Variants in CADM2 observed in about 807,000 individuals in gnomAD.
CADM2 encodes immunoglobulin superfamily member 4D.
Under a neutral mutation model 49.8 loss-of-function variants are expected in CADM2, and 12 were observed. That is an observed-to-expected ratio of 0.24 (90% CI 0.15 to 0.39). CADM2 has a LOEUF of 0.39. Among genes scored for constraint, CADM2 ranks in the 10% least tolerant of loss-of-function variants. The pLI, the probability that CADM2 is intolerant of heterozygous loss-of-function variation, is 1.00. For synonymous variants in CADM2, 214 were observed against 175.4 expected (o/e 1.22, Z -1.74); for missense variants, 378 against 492.3 (o/e 0.77, Z 2.20).
At chr3:85,754,052 C>A (rs535703471) in intron 2 of CADM2, among the ~76,000 whole-genome samples, 1 of 152,290 alleles carries the variant, frequency 6.6e-6, no homozygotes, top group East Asian at 1.9e-4. Context: ...GGCCTGCCAG[C>A]CCTTGGGAGG....
intron 1 of CADM2, among the ~76,000 whole-genome samples, chr3:85,477,237 C>G (rs1417933520): frequency 9.9e-6 from 1 of 101,242 alleles, no homozygotes; most frequent in African/African-American, 3.3e-5. Context: ...TTAACTGATT[C>G]CCTTAAACAC....
At chr3:86,066,514 TAAGAA>T in intron 9 of CADM2, 146 bp from the exon 10 acceptor site, 2 of 639,214 alleles carry the variant, frequency 3.1e-6, no homozygotes, top group Non-Finnish European at 5.6e-6. Flanking sequence ...CTGAAAACTG[TAAGAA>T]AACAGTGCAA....
At chr3:86,034,640 A>C (rs971778287) in intron 8 of CADM2, among the ~76,000 whole-genome samples, 2 of 152,100 alleles carry the variant, frequency 1.3e-5, no homozygotes, top group African/African-American at 4.8e-5. Context: ...TATGTTGTAG[A>C]GAGGTAAACT....
At chr3:85,662,920 T>A (rs1277165808) in intron 1 of CADM2, among the ~76,000 whole-genome samples, 1 of 152,030 alleles carries the variant, frequency 6.6e-6, no homozygotes, top group Non-Finnish European at 1.5e-5. Context: ...AGTACAAAAT[T>A]TTAATAGTTG....
chr3:85,190,339 T>C (rs2041179047), intron 1 of CADM2, among the ~76,000 whole-genome samples: 1 of 152,086 alleles, frequency 6.6e-6, no homozygotes, highest in East Asian at 1.9e-4. Flanking sequence ...TTAATAATCA[T>C]ATTTTGGTCT....
intron 1 of CADM2, among the ~76,000 whole-genome samples, chr3:85,425,171 C>T (rs749574656): frequency 5.9e-5 from 9 of 152,158 alleles, no homozygotes; most frequent in Non-Finnish European, 1.0e-4. Context: ...TCCCCATCTT[C>T]TCCATCATGC....
At chr3:85,775,692 A>C (rs896996069) in intron 2 of CADM2, among the ~76,000 whole-genome samples, 2 of 151,848 alleles carry the variant, frequency 1.3e-5, no homozygotes, top group African/African-American at 4.8e-5. Context: ...TCTGTTTTAC[A>C]AGATTACTAG....
intron 3 of CADM2, among the ~76,000 whole-genome samples, chr3:85,809,768 CT>C (rs2072721777): frequency 2.8e-5 from 1 of 36,360 alleles, no homozygotes; most frequent in Non-Finnish European, 5.1e-5. Context: ...CCCTCCCTCT[CT>C]CTCTCTCTCT....
chr3:85,198,346 A>T (rs2041398773), intron 1 of CADM2, among the ~76,000 whole-genome samples: 1 of 151,458 alleles, frequency 6.6e-6, no homozygotes, highest in African/African-American at 2.4e-5. Flanking sequence ...GCTGCAGGGG[A>T]GATGTGTTCT....
intron 1 of CADM2, among the ~76,000 whole-genome samples, chr3:85,247,984 A>G (rs139296880): frequency 1.4e-4 from 22 of 152,320 alleles, no homozygotes; most frequent in African/African-American, 5.1e-4. Context: ...ATGCATATCC[A>G]TATAATGTTA....
chr3:85,686,581 T>C (rs1016787923), intron 1 of CADM2, among the ~76,000 whole-genome samples: 5 of 152,220 alleles, frequency 3.3e-5, no homozygotes, highest in Admixed American at 3.3e-4. Context: ...AAATATTTAG[T>C]ATCTAAATGA....
chr3:85,078,213 T>A (rs1303630143), intron 1 of CADM2, among the ~76,000 whole-genome samples: 2 of 151,992 alleles, frequency 1.3e-5, no homozygotes, highest in Non-Finnish European at 2.9e-5. Flanking sequence ...GATCCTATTT[T>A]TAAAATTTGT....
intron 1 of CADM2, among the ~76,000 whole-genome samples, chr3:85,563,550 T>C (rs17459906): frequency 0.51 from 77,836 of 151,888 alleles, 23,022 homozygotes; most frequent in East Asian, 0.85. Flanking sequence ...CATGACTCCT[T>C]GAATGAAACT....
At chr3:85,127,520 G>T (rs780730422) in intron 1 of CADM2, among the ~76,000 whole-genome samples, 1 of 152,162 alleles carries the variant, frequency 6.6e-6, no homozygotes, top group Non-Finnish European at 1.5e-5. Context: ...GGAGAGAAGG[G>T]GGCTTCTGGG....
At chr3:85,651,984 C>CTTTTTTTTTTTTTTTT (rs75263402) in intron 1 of CADM2, among the ~76,000 whole-genome samples, 3 of 105,488 alleles carry the variant, frequency 2.8e-5, no homozygotes, top group Non-Finnish European at 3.8e-5. Flanking sequence ...CGCCCGGCTA[C>CTTTTTTTTTTTTTTTT]TTTTTTTTTT....
rs192698980 is a variant in CADM2, at chr3:86,047,911, T to C, written c.971-17694T>C. On this transcript the variant is annotated intron_variant, in intron 8 of 9. Coordinates refer to ENST00000383699, the MANE Select transcript of CADM2 (RefSeq NM_001167675.2). ...GATTAGTGATAGGAAGAGGAAGATA[T>C]CGCAAAGATCACCTTTCAAAATGTT... 5.3e-3 allele frequency among the ~76,000 whole-genome samples: 810 copies of C among 152,240 alleles called. 4 individuals are homozygous for C. Among genetic ancestry groups the C allele is most frequent in the Non-Finnish European group, 8.6e-3 (582 of 67,992 alleles).
At chr3:85,643,732 A>G (rs2064801038) in intron 1 of CADM2, among the ~76,000 whole-genome samples, 2 of 152,058 alleles carry the variant, frequency 1.3e-5, no homozygotes, top group Admixed American at 6.5e-5. Context: ...TTGTGTTTTT[A>G]TGAGAATAAA....
chr3:85,664,612 A>G (rs1047822702), intron 1 of CADM2, among the ~76,000 whole-genome samples: 8 of 151,922 alleles, frequency 5.3e-5, no homozygotes, highest in Non-Finnish European at 1.2e-4. Context: ...TATAATAGCC[A>G]CTAATAGATC....
intron 6 of CADM2, among the ~76,000 whole-genome samples, chr3:85,929,476 C>A (rs1452322263): frequency 2.0e-5 from 3 of 151,822 alleles, no homozygotes; most frequent in African/African-American, 7.3e-5. Flanking sequence ...TTGGATGATG[C>A]ACTATTTACT....
Sources: allele counts gnomAD v4.1 joint callset (sites outside exome capture counted in the v4.1 genomes callset), GRCh38; gene constraint gnomAD v4.1.1; transcripts MANE v1.5; gene names NCBI Gene and HGNC (gene_info 2026-07-23, HGNC 2026-07-21).